Variants in MACROD2 observed in about 807,000 individuals in gnomAD.
MACROD2 encodes ADP-ribose glycohydrolase MACROD2.
In MACROD2, 36 loss-of-function variants were observed where a neutral mutation model predicts 70.4. That is an observed-to-expected ratio of 0.51 (90% CI 0.39 to 0.68). The LOEUF is 0.68. MACROD2 is among the 30% of genes least tolerant of loss of function. MACROD2 has a pLI of 0.00. For synonymous variants in MACROD2, 172 were observed against 178.8 expected (o/e 0.96, Z 0.30); for missense variants, 496 against 538.4 (o/e 0.92, Z 0.78).
rs186186150 is a variant in MACROD2, at chr20:15,690,605, C to T, written c.646-172140C>T. 2.6e-5 allele frequency among the ~76,000 whole-genome samples: 4 copies of T among 152,292 alleles called. No homozygotes were observed. The East Asian group carries it at 7.7e-4, about 29-fold the overall frequency. ...TAAAGCCATGGGCTGAATAAAAGCA[C>T]ATAGAGAATCCTTTCTTTTTAATAA... On this transcript the variant is annotated intron_variant, in intron 8 of 17. Transcript: ENST00000684519.
chr20:15,062,941 T>C (rs1327998395), intron 5 of MACROD2, among the ~76,000 whole-genome samples: 2 of 152,204 alleles, frequency 1.3e-5, no homozygotes, highest in Non-Finnish European at 2.9e-5. Flanking sequence ...CCAGCACTGC[T>C]CGGCCTTGCT....
At chr20:14,405,610 T>C (rs1007336544) in intron 3 of MACROD2, among the ~76,000 whole-genome samples, 2 of 152,198 alleles carry the variant, frequency 1.3e-5, no homozygotes, top group African/African-American at 4.8e-5. Context: ...GCTTAGATTA[T>C]TTTATGTAAG....
At chr20:15,237,622 C>T (rs540835170) in intron 6 of MACROD2, among the ~76,000 whole-genome samples, 14 of 151,912 alleles carry the variant, frequency 9.2e-5, no homozygotes, top group African/African-American at 3.4e-4. Context: ...CAGGGAACAG[C>T]GCAGAGGAGT....
intron 5 of MACROD2, among the ~76,000 whole-genome samples, chr20:14,875,855 A>G (rs933812983): frequency 1.3e-5 from 2 of 152,090 alleles, no homozygotes; most frequent in Non-Finnish European, 2.9e-5. Flanking sequence ...CATGATGTAT[A>G]TTTACCACGT....
At chr20:15,786,299 A>C (rs1018045115) in intron 8 of MACROD2, among the ~76,000 whole-genome samples, 2 of 152,140 alleles carry the variant, frequency 1.3e-5, no homozygotes, top group Non-Finnish European at 2.9e-5. Flanking sequence ...TTAAGATAGA[A>C]TGAGAAAACA....
chr20:15,605,401 G>A (rs1447461876), intron 8 of MACROD2, among the ~76,000 whole-genome samples: 1 of 151,294 alleles, frequency 6.6e-6, no homozygotes, highest in African/African-American at 2.4e-5. Flanking sequence ...TCTTTCTTTT[G>A]TGGGGCATAG....
chr20:14,789,980 A>G (rs1294551055), intron 5 of MACROD2, among the ~76,000 whole-genome samples: 1 of 152,144 alleles, frequency 6.6e-6, no homozygotes, highest in Non-Finnish European at 1.5e-5. Flanking sequence ...TATTAGAAAA[A>G]TGTAAATATG....
intron 2 of MACROD2, among the ~76,000 whole-genome samples, chr20:14,008,778 A>G (rs1191934677): frequency 6.6e-6 from 1 of 152,224 alleles, no homozygotes. Context: ...GACATAGACC[A>G]GTGGAACAGA....
chr20:14,361,531 A>G (rs1298574217), intron 3 of MACROD2, among the ~76,000 whole-genome samples: 1 of 152,130 alleles, frequency 6.6e-6, no homozygotes, highest in Non-Finnish European at 1.5e-5. Flanking sequence ...TTCACTCCTA[A>G]CCAAATGATA....
At chr20:15,010,845 A>C (rs929310002) in intron 5 of MACROD2, among the ~76,000 whole-genome samples, 1 of 152,170 alleles carries the variant, frequency 6.6e-6, no homozygotes, top group African/African-American at 2.4e-5. Flanking sequence ...AGGAGCTCTT[A>C]GAAAAAGTTC....
chr20:14,728,031 A>G (rs1568762063), intron 5 of MACROD2, among the ~76,000 whole-genome samples: 1 of 152,210 alleles, frequency 6.6e-6, no homozygotes, highest in Non-Finnish European at 1.5e-5. Flanking sequence ...ATGTTAAACT[A>G]GAGCCACAGA....
intron 10 of MACROD2, among the ~76,000 whole-genome samples, chr20:15,915,096 C>T (rs1309570433): frequency 2.0e-5 from 3 of 152,108 alleles, no homozygotes; most frequent in African/African-American, 7.2e-5. Flanking sequence ...GGCAGTTCTC[C>T]TACTCCTGTT....
At chr20:15,468,641 C>T (rs1486722348) in intron 7 of MACROD2, among the ~76,000 whole-genome samples, 1 of 152,136 alleles carries the variant, frequency 6.6e-6, no homozygotes, top group Admixed American at 6.6e-5. Context: ...TGAGTTTGTT[C>T]CACACACTTT....
intron 15 of MACROD2, among the ~76,000 whole-genome samples, chr20:16,002,814 C>A (rs2066728720): frequency 6.6e-6 from 1 of 152,106 alleles, no homozygotes; most frequent in South Asian, 2.1e-4. Flanking sequence ...AGTACATTAC[C>A]TCTACCGCTA....
chr20:16,009,890 G>T (rs532263819), intron 15 of MACROD2, among the ~76,000 whole-genome samples: 2 of 152,268 alleles, frequency 1.3e-5, no homozygotes, highest in East Asian at 3.9e-4. Context: ...CACATTCTCC[G>T]AGAGAAGCAG....
chr20:15,370,411 GA>G (rs2045475452), intron 6 of MACROD2, among the ~76,000 whole-genome samples: 1 of 152,006 alleles, frequency 6.6e-6, no homozygotes, highest in Admixed American at 6.6e-5. Flanking sequence ...ATTTAAATAA[GA>G]ACCAATATTT....
At chr20:15,142,021 A>G (rs1432957866) in intron 5 of MACROD2, among the ~76,000 whole-genome samples, 1 of 152,134 alleles carries the variant, frequency 6.6e-6, no homozygotes, top group Non-Finnish European at 1.5e-5. Context: ...TCTCATAATC[A>G]GTTTTTCTTT....
At chr20:15,162,839 A>C (rs2076357946) in intron 5 of MACROD2, among the ~76,000 whole-genome samples, 1 of 152,134 alleles carries the variant, frequency 6.6e-6, no homozygotes, top group African/African-American at 2.4e-5. Context: ...AAACACAATA[A>C]TTGAAATAAT....
intron 5 of MACROD2, among the ~76,000 whole-genome samples, chr20:14,763,795 G>A (rs552702506): frequency 6.2e-4 from 94 of 152,122 alleles, no homozygotes; most frequent in African/African-American, 2.0e-3. Flanking sequence ...GCTGAGAGAC[G>A]GTGTCTAGTG....
Sources: allele counts gnomAD v4.1 joint callset (sites outside exome capture counted in the v4.1 genomes callset), GRCh38; gene constraint gnomAD v4.1.1; transcripts MANE v1.5; gene names NCBI Gene and HGNC (gene_info 2026-07-23, HGNC 2026-07-21).